The following SLC35F3 variants were observed in gnomAD, a reference collection of about 807,000 sequenced individuals.
The protein encoded by SLC35F3 is putative thiamine transporter SLC35F3.
Under a neutral mutation model 49.9 loss-of-function variants are expected in SLC35F3, and 25 were observed. The ratio of observed to expected loss-of-function variants is 0.50; its 90% CI spans 0.37 to 0.70. SLC35F3 has a LOEUF of 0.70. Ranked by LOEUF, SLC35F3 falls within the 30% of genes least tolerant of loss-of-function variation. SLC35F3 has a pLI of 0.00. For synonymous variants in SLC35F3, 275 were observed against 265.4 expected (o/e 1.04, Z -0.35); for missense variants, 525 against 639.8 (o/e 0.82, Z 1.94).
At chr1:234,317,597 C>A (rs1444690697) in intron 5 of SLC35F3, among the ~76,000 whole-genome samples, 1 of 152,156 alleles carries the variant, frequency 6.6e-6, no homozygotes, top group Non-Finnish European at 1.5e-5. Flanking sequence ...TTTTTCCCAG[C>A]TCTGTGAGTA....
chr1:233,983,472 C>A (rs181578469), intron 2 of SLC35F3, among the ~76,000 whole-genome samples: 51 of 152,208 alleles, frequency 3.4e-4, no homozygotes, highest in African/African-American at 1.2e-3. Flanking sequence ...TTGTGCAGTA[C>A]CCCCACAGAA....
intron 2 of SLC35F3, among the ~76,000 whole-genome samples, chr1:234,206,655 A>AC (rs1346606624): frequency 6.6e-6 from 1 of 152,118 alleles, no homozygotes; most frequent in African/African-American, 2.4e-5. Context: ...CAAGGTCCCC[A>AC]CCGTAGAGAG....
At chr1:234,051,435 C>T (rs112075384) in intron 2 of SLC35F3, among the ~76,000 whole-genome samples, 2 of 152,226 alleles carry the variant, frequency 1.3e-5, no homozygotes, top group African/African-American at 4.8e-5. Context: ...ATTTGGCTCT[C>T]TGTTTGTCTG....
rs928424890 is a variant in SLC35F3 at position 234,116,708 on chromosome 1, T to A, written c.284-114709T>A. Among the ~76,000 whole-genome samples, 57 of 152,006 alleles carry A rather than the reference T, an allele frequency of 3.7e-4. 3 individuals carry two copies. The highest frequency in any genetic ancestry group is 7.4e-5 in the Non-Finnish European group (5 of 67,992). ...TTTGTATTTTTAGTAGAGACAGGGT[T>A]TTACCATATTGGCCAGGCTGGTCAT... On this transcript the variant is annotated intron_variant, in intron 2 of 7. Coordinates refer to ENST00000366618, the MANE Select transcript of SLC35F3 (RefSeq NM_173508.4).
chr1:234,221,406 A>G (rs982372719), intron 2 of SLC35F3, among the ~76,000 whole-genome samples: 1 of 152,220 alleles, frequency 6.6e-6, no homozygotes, highest in Admixed American at 6.5e-5. Context: ...GAGGAAGCAC[A>G]AGACAGAGAA....
intron 3 of SLC35F3, among the ~76,000 whole-genome samples, chr1:234,232,540 AG>A (rs1246633756): frequency 1.4e-3 from 190 of 132,754 alleles, no homozygotes; most frequent in African/African-American, 4.4e-3. Flanking sequence ...AAAAAAAAAA[AG>A]AAAAAGAAAA....
chr1:234,285,200 T>C (rs1362766447), intron 3 of SLC35F3: 5 of 392,770 alleles, frequency 1.3e-5, no homozygotes, highest in Non-Finnish European at 2.5e-5. Flanking sequence ...TGTAGACTCA[T>C]GCACAGAACA....
At chr1:233,935,595 T>C (rs1662310954) in intron 2 of SLC35F3, among the ~76,000 whole-genome samples, 2 of 152,092 alleles carry the variant, frequency 1.3e-5, no homozygotes, top group Non-Finnish European at 2.9e-5. Flanking sequence ...GTTGAGAAAG[T>C]AGGCAGGGCT....
intron 2 of SLC35F3, among the ~76,000 whole-genome samples, chr1:234,028,902 TGA>T (rs1211071557): frequency 1.3e-5 from 2 of 151,744 alleles, no homozygotes; most frequent in Non-Finnish European, 2.9e-5. Flanking sequence ...CCATAGAGGG[TGA>T]GAGAGGAAAT....
intron 2 of SLC35F3, among the ~76,000 whole-genome samples, chr1:233,971,965 A>G (rs964321296): frequency 3.9e-5 from 6 of 152,176 alleles, no homozygotes; most frequent in East Asian, 1.9e-4. Context: ...GGCCTGCACA[A>G]TGCCTCAACC....
chr1:234,211,883 T>A (rs1423749642), intron 2 of SLC35F3, among the ~76,000 whole-genome samples: 3 of 152,190 alleles, frequency 2.0e-5, no homozygotes, highest in Non-Finnish European at 4.4e-5. Context: ...TAGAATGATA[T>A]GGTTTGGCAG....
At chr1:234,109,063 T>C (rs1665366145) in intron 2 of SLC35F3, among the ~76,000 whole-genome samples, 1 of 152,064 alleles carries the variant, frequency 6.6e-6, no homozygotes, top group Non-Finnish European at 1.5e-5. Flanking sequence ...CTGACCATCC[T>C]GATAGGCAGC....
intron 2 of SLC35F3, among the ~76,000 whole-genome samples, chr1:234,048,875 C>G (rs1195353865): frequency 6.6e-6 from 1 of 152,162 alleles, no homozygotes; most frequent in Non-Finnish European, 1.5e-5. Context: ...TCCTTGGGAC[C>G]AATCATCCCT....
chr1:233,957,165 C>G lies in SLC35F3; in HGVS notation c.283+51407C>G, dbSNP rs2102808766. ...AAGAATAAAAGCTCTCACCCCTATT[C>G]CAAGACCTGGATCACAGTCTAGTTT... On this transcript the variant is annotated intron_variant, in intron 2 of 7. Coordinates refer to ENST00000366618, the MANE Select transcript of SLC35F3 (RefSeq NM_173508.4). This position sits in a 1 kb window ranked among gnomAD's most constrained non-coding sequence, Gnocchi z 4.0. Among the ~76,000 whole-genome samples, 1 of 152,292 alleles carries G rather than the reference C, an allele frequency of 6.6e-6. No homozygotes were observed. Among genetic ancestry groups the G allele is most frequent in the South Asian group, 2.1e-4 (1 of 4,820 alleles).
At chr1:234,089,153 A>AC (rs1398088176) in intron 2 of SLC35F3, among the ~76,000 whole-genome samples, 2 of 152,118 alleles carry the variant, frequency 1.3e-5, no homozygotes, top group African/African-American at 4.8e-5. Flanking sequence ...AAGAGTCCTC[A>AC]CCCAGGGCAC....
chr1:233,983,255 TA>T lies in SLC35F3; in HGVS notation c.283+77506del, dbSNP rs964140880. On this transcript the variant is annotated intron_variant, in intron 2 of 7. Transcript: ENST00000366618. ...ATCATGAAACTTGTTACATTAAGAT[TA>T]AAAAAAAATTAATTAAGCCAAAAGA... Among the ~76,000 whole-genome samples, 291 of 151,884 alleles carry T rather than the reference TA, an allele frequency of 1.9e-3. 2 individuals carry two copies. The highest frequency in any genetic ancestry group is 6.3e-3 in the African/African-American group (259 of 41,422).
At chr1:234,209,245 T>G (rs1284882285) in intron 2 of SLC35F3, among the ~76,000 whole-genome samples, 3 of 151,210 alleles carry the variant, frequency 2.0e-5, no homozygotes, top group African/African-American at 4.9e-5. Flanking sequence ...TTATTAGCAC[T>G]TTTTTTTTGG....
At chr1:234,208,289 A>G (rs555796124) in intron 2 of SLC35F3, among the ~76,000 whole-genome samples, 5 of 152,350 alleles carry the variant, frequency 3.3e-5, no homozygotes, top group Admixed American at 2.6e-4. Flanking sequence ...GACTATAGAT[A>G]TTTACATACC....
At chr1:234,283,214 A>G (rs1299837655) in intron 3 of SLC35F3, among the ~76,000 whole-genome samples, 1 of 152,200 alleles carries the variant, frequency 6.6e-6, no homozygotes, top group African/African-American at 2.4e-5. Context: ...AGGGATGACC[A>G]ATTCCATGGT....
Sources: allele counts gnomAD v4.1 joint callset (sites outside exome capture counted in the v4.1 genomes callset), GRCh38; gene constraint gnomAD v4.1.1; non-coding constraint Gnocchi (gnomAD v3.1); transcripts MANE v1.5; gene names NCBI Gene and HGNC (gene_info 2026-07-23, HGNC 2026-07-21).